The following ABR variants were observed in gnomAD, a reference collection of about 807,000 sequenced individuals.
ABR encodes ABR activator of RhoGEF and GTPase, also known as active breakpoint cluster region-related protein.
A neutral mutation model predicts 107.2 loss-of-function variants in ABR; 35 were observed. The ratio of observed to expected loss-of-function variants is 0.33; its 90% CI spans 0.25 to 0.43. ABR has a LOEUF of 0.43. ABR is among the 20% of genes least tolerant of loss of function. The probability of loss-of-function intolerance (pLI) is 1.00; values close to 1 mark genes in which losing one functional copy is unlikely to be tolerated. For missense variants in ABR, 815 were observed against 1,115.2 expected (o/e 0.73, Z 3.83); for synonymous variants, 498 against 462.0 (o/e 1.08, Z -1.00).
intron 16 of ABR, among the ~76,000 whole-genome samples, chr17:1,016,611 T>C (rs1384201790): frequency 6.6e-6 from 1 of 151,952 alleles, no homozygotes; most frequent in African/African-American, 2.4e-5. Context: ...CCACCATGCC[T>C]GGCCCCTACC....
rs910017168 is a variant in ABR, at chr17:1,124,372, G to A, written c.246+811C>T. Among the ~76,000 whole-genome samples, 5 of 152,104 alleles carry A rather than the reference G, an allele frequency of 3.3e-5. No homozygotes were observed. The East Asian group carries it at 7.7e-4, about 24-fold the overall frequency. ...GACGAGCAGGACCAAGCAAGGATGG[G>A]GCACTCCCACCGCCTCCTGCAACAC... On this transcript the variant is annotated intron_variant, in intron 2 of 22. Coordinates refer to ENST00000302538, the MANE Select transcript of ABR (RefSeq NM_021962.5).
chr17:1,138,687 C>T (rs982102514), intron 1 of ABR, among the ~76,000 whole-genome samples: 1 of 151,986 alleles, frequency 6.6e-6, no homozygotes, highest in Non-Finnish European at 1.5e-5. Flanking sequence ...CTATGTGGGC[C>T]GGGCTGGTCT....
At chr17:1,106,797 T>C (rs1290933329) in intron 2 of ABR, among the ~76,000 whole-genome samples, 3 of 152,220 alleles carry the variant, frequency 2.0e-5, no homozygotes, top group Non-Finnish European at 4.4e-5. Context: ...CCCAAAGTGC[T>C]GGGAATACAG....
At chr17:1,018,396 G>A (rs1350242613) in intron 16 of ABR, among the ~76,000 whole-genome samples, 1 of 152,208 alleles carries the variant, frequency 6.6e-6, no homozygotes, top group Non-Finnish European at 1.5e-5. Flanking sequence ...ATGGGGCGCA[G>A]TTCGATGTTT....
In ABR at chr17:1,026,564, G is replaced by A. The variant is rs377248833; in HGVS notation, c.1792-13400C>T. On this transcript the variant is annotated intron_variant, in intron 16 of 22. Transcript: ENST00000302538. ...CTCCTGGCCTCTCTACAGAAGCCCA[G>A]GACCAGCTCCACGGGCCCCTCCCGC... 2.8e-4 allele frequency among the ~76,000 whole-genome samples: 43 copies of A among 152,224 alleles called. 1 individual carries two copies. The highest frequency in any genetic ancestry group is 9.6e-4 in the African/African-American group (40 of 41,556).
chr17:1,090,774 A>AG (rs1226573862), intron 4 of ABR, among the ~76,000 whole-genome samples: 1 of 152,182 alleles, frequency 6.6e-6, no homozygotes, highest in African/African-American at 2.4e-5. Flanking sequence ...CCCAGAGAAC[A>AG]GGGCAGGAAG....
At chr17:1,008,641 C>T (rs1037324444) in intron 21 of ABR, among the ~76,000 whole-genome samples, 1 of 152,226 alleles carries the variant, frequency 6.6e-6, no homozygotes. Flanking sequence ...AGACACCAGC[C>T]CCGGGCGCGT....
intron 6 of ABR, 26 bp from the exon 7 acceptor site, chr17:1,073,703 G>C: frequency 6.3e-7 from 1 of 1,589,854 alleles, no homozygotes; most frequent in Non-Finnish European, 8.6e-7. Flanking sequence ...GGGAGAAGGA[G>C]GAAGAGGATG....
chr17:1,134,454 A>G (rs550694370), intron 1 of ABR, among the ~76,000 whole-genome samples: 5 of 152,312 alleles, frequency 3.3e-5, no homozygotes, highest in African/African-American at 9.6e-5. Flanking sequence ...TAAATAAATA[A>G]AAGAACAGAG....
chr17:1,042,686 A>C (rs943195514), intron 16 of ABR, among the ~76,000 whole-genome samples: 8 of 151,454 alleles, frequency 5.3e-5, no homozygotes, highest in South Asian at 2.1e-4. Flanking sequence ...TGGATGGATA[A>C]ATAGACGTGG....
At chr17:1,141,404 A>T (rs1294846526) in intron 1 of ABR, among the ~76,000 whole-genome samples, 2 of 152,208 alleles carry the variant, frequency 1.3e-5, no homozygotes, top group African/African-American at 4.8e-5. Flanking sequence ...ATGTGACCTT[A>T]GCCATGTGAC....
chr17:1,108,682 G>C (rs1274067288), intron 2 of ABR, among the ~76,000 whole-genome samples: 1 of 152,212 alleles, frequency 6.6e-6, no homozygotes, highest in African/African-American at 2.4e-5. Context: ...GGCGCGCCAG[G>C]TGACTCCTGG....
At chr17:1,193,885 G>A (rs569554754) in intron 1 of ABR, among the ~76,000 whole-genome samples, 15 of 151,618 alleles carry the variant, frequency 9.9e-5, no homozygotes, top group African/African-American at 1.7e-4. Context: ...TAATAGAGAC[G>A]GGGTTTCACC....
chr17:1,090,250 G>A (rs2036929038), intron 4 of ABR, among the ~76,000 whole-genome samples: 1 of 152,228 alleles, frequency 6.6e-6, no homozygotes, highest in Non-Finnish European at 1.5e-5. Flanking sequence ...CGGGGAGGAA[G>A]CTGCCAAGGC....
chr17:1,082,490 G>A (rs1427197969), intron 5 of ABR, among the ~76,000 whole-genome samples: 1 of 150,896 alleles, frequency 6.6e-6, no homozygotes, highest in Non-Finnish European at 1.5e-5. Context: ...AGGTAGGCTG[G>A]GCCTCAGGAG....
chr17:1,151,357 T>C (rs948859550), intron 1 of ABR, among the ~76,000 whole-genome samples: 4 of 152,116 alleles, frequency 2.6e-5, no homozygotes, highest in Admixed American at 2.0e-4. Flanking sequence ...CATCTGACAA[T>C]TCATCCTAAT....
rs554296256 is a variant in ABR, at chr17:1,145,354, C to T, written c.62-19987G>A. Among the ~76,000 whole-genome samples the T allele has an allele frequency of 1.1e-4, 17 of 152,358 alleles. No homozygotes were observed. In the South Asian group the frequency reaches 3.5e-3, roughly 32 times the overall value. ...CCCTTATTAGAGTTAACAGCTTCAG[C>T]CTACTTCCTGCTTCCCCTCCGAACC... On this transcript the variant is annotated intron_variant, in intron 1 of 22. Coordinates refer to ENST00000302538, the MANE Select transcript of ABR (RefSeq NM_021962.5).
Position 1,217,806 on chromosome 17 carries a change from T to A in ABR, c.838+10987A>T, listed in dbSNP as rs747284782. On this transcript the variant is annotated intron_variant, in intron 1 of 22. Coordinates refer to the ABR transcript ENST00000574139. ...ACCTCCCAGGTTCAAGCGATTCTCC[T>A]GCCTCAGCCTCCTGAGTAGCTGGGA... Among the ~76,000 whole-genome samples the A allele has an allele frequency of 6.6e-4, 100 of 152,334 alleles. No homozygotes were observed. The Middle Eastern group carries it at 0.01, about 16-fold the overall frequency.
In ABR at chr17:1,084,367, A is replaced by G. The variant is rs2036457834; in HGVS notation, c.532-740T>C. On this transcript the variant is annotated intron_variant, in intron 4 of 22. Transcript: ENST00000302538. This position sits in a 1 kb window ranked among gnomAD's most constrained non-coding sequence, Gnocchi z 4.2. ...ACTCCAGCCTGGGTGACAGAGTAAG[A>G]CTCCGTCTCAAAAAGAAAACAAAAC... Among the ~76,000 whole-genome samples the G allele has an allele frequency of 1.3e-5, 2 of 152,088 alleles. No individual in the cohort carries two copies. Among genetic ancestry groups the G allele is most frequent in the Admixed American group, 1.3e-4 (2 of 15,266 alleles).
Sources: gnomAD v4.1 joint callset for allele counts (sites outside exome capture counted in the v4.1 genomes callset) on GRCh38, gnomAD v4.1.1 for gene constraint, Gnocchi (gnomAD v3.1) non-coding constraint, MANE v1.5 for transcripts, NCBI Gene and HGNC (gene_info 2026-07-23, HGNC 2026-07-21) for gene names.